The following TM2D1 variants were observed in gnomAD, a reference collection of about 807,000 sequenced individuals.
TM2D1 encodes TM2 domain containing 1, also known as TM2 domain-containing protein 1.
Under a neutral mutation model 28.4 loss-of-function variants are expected in TM2D1, and 15 were observed. The ratio of observed to expected loss-of-function variants is 0.53; its 90% CI spans 0.35 to 0.81. The LOEUF (loss-of-function observed/expected upper bound fraction) is 0.81, where lower values mean the gene tolerates loss of function less well. TM2D1 is among the 40% of genes least tolerant of loss of function. TM2D1 has a pLI of 0.01. For synonymous variants in TM2D1, 93 were observed against 96.2 expected (o/e 0.97, Z 0.20); for missense variants, 236 against 254.9 (o/e 0.93, Z 0.50).
At chr1:61,717,205 A>AAC (rs10640082) in intron 2 of TM2D1, among the ~76,000 whole-genome samples, 3,325 of 150,762 alleles carry the variant, frequency 0.022, 122 homozygotes, top group African/African-American at 0.077. Flanking sequence ...AACAAAACAA[A>AAC]AAAAAAAAAA....
At chr1:61,688,523 G>A (rs1644300132) in intron 5 of TM2D1, among the ~76,000 whole-genome samples, 1 of 152,184 alleles carries the variant, frequency 6.6e-6, no homozygotes, top group South Asian at 2.1e-4. Flanking sequence ...AAGAGATCGA[G>A]ACCATCCTGG....
At chr1:61,684,172 A>G (rs929256101) in intron 5 of TM2D1, among the ~76,000 whole-genome samples, 29 of 152,206 alleles carry the variant, frequency 1.9e-4, no homozygotes, top group African/African-American at 7.0e-4. Context: ...TTAATCACAT[A>G]TGTGACAATC....
At chr1:61,708,355 G>A (rs1644454966) in intron 3 of TM2D1, among the ~76,000 whole-genome samples, 1 of 152,124 alleles carries the variant, frequency 6.6e-6, no homozygotes. Context: ...AGGCCTAAAA[G>A]TCCTTTAAAT....
chr1:61,694,853 T>TGA, intron 4 of TM2D1, 83 bp from the exon 5 acceptor site: 1 of 640,134 alleles, frequency 1.6e-6, no homozygotes, highest in Non-Finnish European at 2.6e-6. Flanking sequence ...TAAACCATTA[T>TGA]TATATATATA....
chr1:61,711,278 C>T (rs893629512), intron 2 of TM2D1, among the ~76,000 whole-genome samples: 16 of 148,626 alleles, frequency 1.1e-4, no homozygotes, highest in African/African-American at 3.5e-4. Flanking sequence ...TGCAGTGAGC[C>T]GAGATCGCAC....
At chr1:61,706,378 T>C (rs986890557) in intron 3 of TM2D1, among the ~76,000 whole-genome samples, 1 of 152,028 alleles carries the variant, frequency 6.6e-6, no homozygotes, top group East Asian at 1.9e-4. Flanking sequence ...TTGTATTTTT[T>C]GGTAGAGATG....
intron 2 of TM2D1, among the ~76,000 whole-genome samples, chr1:61,719,114 G>C (rs1182404495): frequency 1.3e-5 from 2 of 152,052 alleles, no homozygotes; most frequent in African/African-American, 4.8e-5. Context: ...CTGTCGCCCA[G>C]GCTAGAGTGC....
At chr1:61,716,508 T>TATATATGTATATAAAATTATATATAA (rs1198174032) in intron 2 of TM2D1, among the ~76,000 whole-genome samples, 1 of 145,668 alleles carries the variant, frequency 6.9e-6, no homozygotes, top group African/African-American at 2.5e-5. Flanking sequence ...TATATATAAT[T>TATATATGTATATAAAATTATATATAA]TTATATATGT....
At chr1:61,724,886 G>T in intron 1 of TM2D1, 71 bp downstream of exon 1, 1 of 1,483,638 alleles carries the variant, frequency 6.7e-7, no homozygotes, top group South Asian at 1.3e-5. Flanking sequence ...AGCCAGTCCT[G>T]ACGGCAGCGA....
At chr1:61,701,512 A>G (rs1472796685) in intron 3 of TM2D1, among the ~76,000 whole-genome samples, 3 of 151,390 alleles carry the variant, frequency 2.0e-5, no homozygotes, top group East Asian at 3.9e-4. Context: ...TATCATTTTG[A>G]AGTCAAATTT....
chr1:61,699,222 T>C (rs1644385337), intron 4 of TM2D1: 1 of 151,760 alleles, frequency 6.6e-6, no homozygotes, highest in South Asian at 2.1e-4. Context: ...TACATGCCTG[T>C]AGTCCCAGCT....
intron 5 of TM2D1, among the ~76,000 whole-genome samples, chr1:61,691,932 A>AAAAAAAT: frequency 7.9e-5 from 6 of 76,398 alleles, no homozygotes; most frequent in Non-Finnish European, 1.0e-4. Flanking sequence ...AAAAAAAAAA[A>AAAAAAAT]ATATATATAT....
At chr1:61,714,269 G>A (rs778961625) in intron 2 of TM2D1, among the ~76,000 whole-genome samples, 4 of 150,052 alleles carry the variant, frequency 2.7e-5, no homozygotes, top group Admixed American at 2.0e-4. Context: ...CTGGATGGGC[G>A]CAGTGGCTCA....
intron 2 of TM2D1, among the ~76,000 whole-genome samples, chr1:61,716,634 G>C (rs1644524904): frequency 6.7e-6 from 1 of 148,330 alleles, no homozygotes; most frequent in Non-Finnish European, 1.5e-5. Flanking sequence ...CCCCACTCTA[G>C]GAAATCAGAG....
At chr1:61,688,552 G>A (rs1570095387) in intron 5 of TM2D1, among the ~76,000 whole-genome samples, 2 of 152,112 alleles carry the variant, frequency 1.3e-5, no homozygotes, top group East Asian at 1.9e-4. Flanking sequence ...GTGAAATCCC[G>A]TGTTTACTAA....
Position 61,683,395 on chromosome 1 carries a change from C to CATAT in TM2D1, c.*19+18_*19+21dup, listed in dbSNP as rs149969652. On this transcript the variant is annotated intron_variant, in intron 6 of 6. Transcript: ENST00000606498. ...AATAATATACCACTATAAGATATTACATATATATATATATCACTTACTGTT... is the reference window on the plus strand; with the variant it reads ...AATAATATACCACTATAAGATATTACATATATATATATATATATCACTTACTGTT... The CATAT allele has an allele frequency of 1.1e-3, 794 of 708,524 alleles. 8 individuals are homozygous for CATAT. The East Asian group carries it at 0.021, about 18-fold the overall frequency. The allele number at this position is 708,524 out of a possible 1,614,324, so 43.9% of individuals were successfully genotyped here. A position where few individuals can be genotyped will look rare whatever the true frequency, so the allele number is the denominator to read the frequency against.
At chr1:61,685,783 T>C (rs1644280912) in intron 5 of TM2D1, among the ~76,000 whole-genome samples, 1 of 152,154 alleles carries the variant, frequency 6.6e-6, no homozygotes, top group African/African-American at 2.4e-5. Flanking sequence ...GCAGGAAGAC[T>C]GCTTGAAGCC....
chr1:61,704,172 AAG>A (rs751066020), intron 3 of TM2D1, among the ~76,000 whole-genome samples: 2 of 152,044 alleles, frequency 1.3e-5, no homozygotes, highest in Non-Finnish European at 2.9e-5. Flanking sequence ...TTACAGGCAT[AAG>A]CCACTGCGCC....
At chr1:61,687,660 C>T (rs1024912227) in intron 5 of TM2D1, among the ~76,000 whole-genome samples, 4 of 151,674 alleles carry the variant, frequency 2.6e-5, no homozygotes, top group African/African-American at 4.8e-5. Context: ...TCTTAGGTAA[C>T]TCAAGTATTT....
Sources: allele counts gnomAD v4.1 joint callset (sites outside exome capture counted in the v4.1 genomes callset), GRCh38; gene constraint gnomAD v4.1.1; transcripts MANE v1.5; gene names NCBI Gene and HGNC (gene_info 2026-07-23, HGNC 2026-07-21).